Variants in CLPB observed in about 807,000 individuals in gnomAD.
CLPB encodes the protein mitochondrial disaggregase.
CLPB carries 40 observed loss-of-function variants against 78.4 expected under a neutral mutation model. The observed-to-expected ratio is 0.51, with a 90% CI of 0.40 to 0.66. The LOEUF (loss-of-function observed/expected upper bound fraction) is 0.66. Ranked by LOEUF, CLPB falls within the 30% of genes least tolerant of loss-of-function variation. The pLI, the probability that CLPB is intolerant of heterozygous loss-of-function variation, is 0.00. For synonymous variants in CLPB, 333 were observed against 348.0 expected (o/e 0.96, Z 0.48); for missense variants, 780 against 886.9 (o/e 0.88, Z 1.53).
Position 72,395,558 on chromosome 11 carries a change from T to C in CLPB, c.542+7408A>G, listed in dbSNP as rs552494793. 2.0e-5 allele frequency among the ~76,000 whole-genome samples: 3 copies of C among 152,294 alleles called. No homozygotes were observed. The East Asian group carries it at 5.8e-4, about 29-fold the overall frequency. On this transcript the variant is annotated intron_variant, in intron 3 of 15. Transcript: ENST00000538039. ...ATTGCCCTGAGGATTAGACCCAACA[T>C]GGGAAGTGCTTGACATGGGCCTGGC... is the stretch of plus-strand genomic sequence containing the variant.
At chr11:72,307,675 T>C (rs1469679532) in intron 8 of CLPB, among the ~76,000 whole-genome samples, 2 of 152,142 alleles carry the variant, frequency 1.3e-5, no homozygotes, top group Non-Finnish European at 2.9e-5. Context: ...ACATGGCAGA[T>C]AGAGGGTGGG....
chr11:72,410,942 T>A (rs1855859543), intron 2 of CLPB: 1 of 152,242 alleles, frequency 6.6e-6, no homozygotes, highest in Non-Finnish European at 1.5e-5. Context: ...TTACTCTTTT[T>A]TAAAATAAAA....
rs1041653438 is a variant in CLPB at position 72,293,311 on chromosome 11, A to C, written c.*56T>G. Reference sequence around the variant, plus strand: ...GGGAAGGTAAGTCAGTTGCCATGCCACAGCCAAGGGGCCTTTATTGGATGG... The same window carrying C: ...GGGAAGGTAAGTCAGTTGCCATGCCCCAGCCAAGGGGCCTTTATTGGATGG... On this transcript the variant is annotated 3_prime_UTR_variant, in exon 16 of 16. Transcript: ENST00000538039. 2 of 1,582,782 alleles carry C rather than the reference A, an allele frequency of 1.3e-6. No homozygotes were observed. The highest frequency in any genetic ancestry group is 1.7e-6 in the Non-Finnish European group (2 of 1,160,660).
intron 5 of CLPB, among the ~76,000 whole-genome samples, chr11:72,331,784 G>A (rs1160257510): frequency 6.6e-6 from 1 of 151,912 alleles, no homozygotes; most frequent in African/African-American, 2.4e-5. Flanking sequence ...ATGTTGGCCA[G>A]GCTGGTCTCA....
chr11:72,419,772 G>A (rs1049445824), intron 2 of CLPB, among the ~76,000 whole-genome samples: 2 of 152,104 alleles, frequency 1.3e-5, no homozygotes, highest in Non-Finnish European at 2.9e-5. Flanking sequence ...GGGGAAATCT[G>A]GCTGTCACAG....
intron 5 of CLPB, among the ~76,000 whole-genome samples, chr11:72,340,100 T>C (rs1040341341): frequency 6.6e-6 from 1 of 152,180 alleles, no homozygotes; most frequent in Non-Finnish European, 1.5e-5. Context: ...TCTCCATTTC[T>C]TACCCACCCT....
chr11:72,345,425 C>G (rs941816434), intron 5 of CLPB, among the ~76,000 whole-genome samples: 1 of 152,168 alleles, frequency 6.6e-6, no homozygotes, highest in African/African-American at 2.4e-5. Context: ...GCGACATATA[C>G]AGTATGCTAC....
chr11:72,321,202 G>A (rs1950038135), intron 6 of CLPB, among the ~76,000 whole-genome samples: 1 of 152,164 alleles, frequency 6.6e-6, no homozygotes, highest in Admixed American at 6.5e-5. Flanking sequence ...GCTACAAGAC[G>A]AGTTCAAGGC....
chr11:72,361,660 A>G (rs1437062254), intron 4 of CLPB, among the ~76,000 whole-genome samples: 2 of 152,248 alleles, frequency 1.3e-5, no homozygotes, highest in African/African-American at 4.8e-5. Flanking sequence ...CACATAGGAC[A>G]TTAACTGCTG....
In CLPB at chr11:72,424,690, T is replaced by C. The variant is rs575247736; in HGVS notation, c.455+5622A>G. 2.0e-5 allele frequency among the ~76,000 whole-genome samples: 3 copies of C among 152,150 alleles called. No homozygotes were observed. In the South Asian group the frequency reaches 6.2e-4, roughly 32 times the overall value. On this transcript the variant is annotated intron_variant, in intron 2 of 15. Coordinates refer to ENST00000538039, the MANE Select transcript of CLPB (RefSeq NM_001258392.3). Reference sequence around the variant, plus strand: ...GCGGGCGGATCACGAGGTCAGACCATCCTGGCTAACATGGTGAAACCCTGT... The same window carrying C: ...GCGGGCGGATCACGAGGTCAGACCACCCTGGCTAACATGGTGAAACCCTGT...
chr11:72,368,947 G>A (rs1465532772), intron 4 of CLPB, among the ~76,000 whole-genome samples: 1 of 152,092 alleles, frequency 6.6e-6, no homozygotes, highest in Non-Finnish European at 1.5e-5. Flanking sequence ...GTAGCATGGG[G>A]GCTCAGAATA....
chr11:72,374,907 G>A (rs1420863931), intron 4 of CLPB, among the ~76,000 whole-genome samples: 1 of 152,110 alleles, frequency 6.6e-6, no homozygotes, highest in African/African-American at 2.4e-5. Context: ...CCAAGGAAAT[G>A]GAAAATACTC....
intron 4 of CLPB, among the ~76,000 whole-genome samples, chr11:72,361,030 T>C (rs1040271139): frequency 6.6e-6 from 1 of 152,172 alleles, no homozygotes; most frequent in Non-Finnish European, 1.5e-5. Flanking sequence ...TGTTTTCCTG[T>C]TTGGGTGAAG....
intron 11 of CLPB, among the ~76,000 whole-genome samples, chr11:72,299,710 T>G (rs1315262412): frequency 2.0e-5 from 3 of 152,186 alleles, no homozygotes; most frequent in African/African-American, 7.2e-5. Flanking sequence ...CAAGTGAACA[T>G]GACAAGGGCC....
At chr11:72,382,013 C>G (rs1025753251) in intron 3 of CLPB, among the ~76,000 whole-genome samples, 5 of 152,126 alleles carry the variant, frequency 3.3e-5, no homozygotes, top group African/African-American at 1.2e-4. Flanking sequence ...CCCAGGCTAG[C>G]CCTCACAGAC....
intron 3 of CLPB, among the ~76,000 whole-genome samples, chr11:72,390,883 G>A (rs919159259): frequency 6.6e-6 from 1 of 152,228 alleles, no homozygotes; most frequent in Non-Finnish European, 1.5e-5. Flanking sequence ...ACAGCATTCT[G>A]TGGCAGTGGG....
At chr11:72,360,798 TCTTA>T (rs1268328117) in intron 4 of CLPB, among the ~76,000 whole-genome samples, 1 of 152,188 alleles carries the variant, frequency 6.6e-6, no homozygotes, top group African/African-American at 2.4e-5. Flanking sequence ...CTTCACACAA[TCTTA>T]CTTAATTCTC....
At chr11:72,314,734 CTGGGGTGGGG>C (rs146127643) in intron 7 of CLPB, among the ~76,000 whole-genome samples, 1 of 150,966 alleles carries the variant, frequency 6.6e-6, no homozygotes, top group Admixed American at 6.6e-5. Context: ...CGGCAATGGG[CTGGGGTGGGG>C]TGGGGGAAGG....
At chr11:72,330,164 A>C (rs1013546174) in intron 5 of CLPB, among the ~76,000 whole-genome samples, 1 of 152,240 alleles carries the variant, frequency 6.6e-6, no homozygotes, top group Non-Finnish European at 1.5e-5. Context: ...ACAGATAAAC[A>C]TTCATTCATG....
Sources: allele counts gnomAD v4.1 joint callset (sites outside exome capture counted in the v4.1 genomes callset), GRCh38; gene constraint gnomAD v4.1.1; transcripts MANE v1.5; gene names NCBI Gene and HGNC (gene_info 2026-07-23, HGNC 2026-07-21).